The following CD99 variants were observed in gnomAD, a reference collection of about 807,000 sequenced individuals.
CD99 encodes CD99 molecule (Xg blood group).
A neutral mutation model predicts 28.4 loss-of-function variants in CD99; 19 were observed. The observed-to-expected ratio is 0.67, with a 90% CI of 0.47 to 0.98. The LOEUF (loss-of-function observed/expected upper bound fraction) is 0.98. CD99 is among the 50% of genes least tolerant of loss of function. The probability of loss-of-function intolerance (pLI) is 0.00; values close to 1 mark genes in which losing one functional copy is unlikely to be tolerated. For missense variants in CD99, 283 were observed against 248.8 expected (o/e 1.14, Z -0.92); for synonymous variants, 103 against 92.1 (o/e 1.12, Z -0.67).
intron 3 of CD99, 197 bp downstream of exon 3, chrX:2,717,849 A>G: frequency 1.7e-6 from 1 of 574,356 alleles, no homozygotes; most frequent in Non-Finnish European, 3.2e-6. Flanking sequence ...ATGGTTGCTG[A>G]TGTGAAATGT....
At chrX:2,704,624 T>G (rs311049) in intron 1 of CD99, among the ~76,000 whole-genome samples, 88,487 of 151,338 alleles carry the variant, frequency 0.58, 26,020 homozygotes, top group African/African-American at 0.65. Context: ...GGGTTTTGCC[T>G]TGTTGGCCAG....
chrX:2,721,118 C>T (rs920375040), intron 5 of CD99, among the ~76,000 whole-genome samples: 11 of 150,526 alleles, frequency 7.3e-5, no homozygotes, highest in Non-Finnish European at 1.6e-4. Flanking sequence ...GCATTTTCAG[C>T]GTAATTCGAA....
intron 8 of CD99, among the ~76,000 whole-genome samples, chrX:2,730,981 T>C (rs1395946101): frequency 6.6e-6 from 1 of 150,818 alleles, no homozygotes; most frequent in Non-Finnish European, 1.5e-5. Flanking sequence ...CACTCTTCTA[T>C]AAATACCAAG....
rs754955628 is a variant in CD99 at position 2,738,210 on chromosome X, G to T, written c.486G>T (p.Gly162=). 6.2e-7 allele frequency: 1 copy of T among 1,613,860 alleles called. No homozygotes were observed. The highest frequency in any genetic ancestry group is 8.5e-7 in the Non-Finnish European group (1 of 1,179,808). ...KLCFKENAEQ[G]EVDMESHRNA... Reference sequence around the variant, plus strand: ...TCTTCTTCTTTTCAGCAGAACAAGGGGAGGTGGACATGGAGAGCCACCGGA... The same window carrying T: ...TCTTCTTCTTTTCAGCAGAACAAGGTGAGGTGGACATGGAGAGCCACCGGA... The change falls in exon 9 of 10, where the codon GGG becomes GGT. Residue 162 remains glycine, a synonymous_variant. Transcript: ENST00000381192.
intron 8 of CD99, among the ~76,000 whole-genome samples, chrX:2,735,765 C>T (rs1400791388): frequency 6.6e-6 from 1 of 152,126 alleles, no homozygotes; most frequent in Non-Finnish European, 1.5e-5. Context: ...ATGTTCTTCT[C>T]TTCAGGGGGT....
chrX:2,736,654 A>C (rs1159725056), intron 8 of CD99, among the ~76,000 whole-genome samples: 1 of 151,806 alleles, frequency 6.6e-6, no homozygotes, highest in East Asian at 1.9e-4. Context: ...TCAGGAGATC[A>C]AGACCATCCT....
chrX:2,720,365 G>C lies in CD99; in HGVS notation c.203G>C (p.Arg68Pro), dbSNP rs768811289. The change falls in exon 5 of 10, where the codon CGA becomes CCA. Residue 68 changes from arginine (R) to proline (P), a missense_variant. Arg to Pro is a moderately radical substitution (Grantham distance 103, BLOSUM62 -2). Transcript: ENST00000381192. ...AVVDGENDDPRPPNPPKPMPN... is the reference protein window; with the variant it reads ...AVVDGENDDPPPPNPPKPMPN... ...CATCTTTCACAAACAGACGACCCAC[G>C]ACCACCGAACCCACCCAAACCGATG... The C allele has an allele frequency of 6.2e-7, 1 of 1,613,460 alleles. No individual in the cohort carries two copies. The highest frequency in any genetic ancestry group is 1.1e-5 in the South Asian group (1 of 91,008).
intron 1 of CD99, 26 bp from the exon 2 acceptor site, chrX:2,714,396 A>C (rs1473522570): frequency 6.5e-7 from 1 of 1,538,834 alleles, no homozygotes; most frequent in South Asian, 1.2e-5. Flanking sequence ...TCTTGTTTCT[A>C]AGTTGACTCT....
chrX:2,732,509 C>G (rs2049677100), intron 8 of CD99, among the ~76,000 whole-genome samples: 1 of 150,768 alleles, frequency 6.6e-6, no homozygotes, highest in Non-Finnish European at 1.5e-5. Context: ...CTCCCTCCTT[C>G]TTTTCTCTCT....
intron 9 of CD99, among the ~76,000 whole-genome samples, chrX:2,740,527 G>A (rs1239891089): frequency 2.6e-5 from 4 of 152,012 alleles, no homozygotes; most frequent in South Asian, 2.1e-4. Context: ...CTGTGACGTC[G>A]TTAGTGGAAA....
chrX:2,693,943 G>A (rs2047449780), intron 1 of CD99, among the ~76,000 whole-genome samples: 1 of 152,176 alleles, frequency 6.6e-6, no homozygotes, highest in Non-Finnish European at 1.5e-5. Flanking sequence ...AATCTTTCAA[G>A]GGCCAGGACG....
chrX:2,722,716 C>A (rs750207884), intron 6 of CD99, 42 bp downstream of exon 6: 2 of 1,572,368 alleles, frequency 1.3e-6, no homozygotes, highest in South Asian at 1.1e-5. Context: ...CTCTCCATCC[C>A]ATGATGCCCA....
At chrX:2,714,476 T>A (rs1465614497) in intron 2 of CD99, 22 bp downstream of exon 2, 3 of 1,579,812 alleles carry the variant, frequency 1.9e-6, no homozygotes, top group African/African-American at 1.3e-5. Flanking sequence ...CATCATTTTT[T>A]AAAATCCCGT....
In CD99 at chrX:2,691,398, G is replaced by C. The variant is rs1031641046; in HGVS notation, c.38G>C (p.Gly13Ala). 1 of 1,584,702 alleles carries C rather than the reference G, an allele frequency of 6.3e-7. No homozygotes were observed. ...RGAALALLLF[G>A]LLGVLVAAPD... ...GCTGCGCTGGCGCTGCTGCTCTTCGGCCTGCTGGGTGTTCTGGTCGCCGCC... is the reference window on the plus strand; with the variant it reads ...GCTGCGCTGGCGCTGCTGCTCTTCGCCCTGCTGGGTGTTCTGGTCGCCGCC... The change falls in exon 1 of 10, where the codon GGC (glycine) becomes GCC (alanine). Residue 13 changes from glycine (G) to alanine (A), a missense_variant. Gly to Ala is a moderately conservative substitution (Grantham distance 60). Transcript: ENST00000381192.
At chrX:2,720,490 T>C (rs964670973) in intron 5 of CD99, 66 bp downstream of exon 5, 47 of 1,470,852 alleles carry the variant, frequency 3.2e-5, no homozygotes, top group Non-Finnish European at 4.5e-5. Context: ...TTATGTCAGC[T>C]GAGAGGAGGT....
intron 5 of CD99, among the ~76,000 whole-genome samples, chrX:2,722,272 G>T (rs1263331484): frequency 6.6e-6 from 1 of 151,770 alleles, no homozygotes; most frequent in African/African-American, 2.4e-5. Context: ...CATAAATATT[G>T]CCAGCATGCA....
At position 2,691,578 on chromosome X, in the gene CD99, G is replaced by A; in HGVS notation, c.67+151G>A. The A allele has an allele frequency of 4.7e-6, 4 of 858,190 alleles. No individual in the cohort carries two copies. In the East Asian group the frequency reaches 1.1e-4, roughly 23 times the overall value. The allele number at this position is 858,190 out of a possible 1,614,324, so 53.2% of individuals were successfully genotyped here. ...GACGCGCTGTGCCCACGGGGGCCCA[G>A]GCCCGGAGGAGGCGCCCACTTTCTC... On this transcript the variant is annotated intron_variant, in intron 1 of 9. Transcript: ENST00000381192.
chrX:2,699,924 A>G (rs946400209), intron 1 of CD99, among the ~76,000 whole-genome samples: 1 of 152,186 alleles, frequency 6.6e-6, no homozygotes, highest in Non-Finnish European at 1.5e-5. Context: ...TTCAAAGAGC[A>G]TTCAGTTTGT....
chrX:2,725,702 C>G (rs1439649538), intron 7 of CD99, among the ~76,000 whole-genome samples: 1 of 152,164 alleles, frequency 6.6e-6, no homozygotes, highest in East Asian at 1.9e-4. Context: ...CAACCTCTGC[C>G]TCCCAGGTTC....
Sources: gnomAD v4.1 joint callset for allele counts (sites outside exome capture counted in the v4.1 genomes callset) on GRCh38, gnomAD v4.1.1 for gene constraint, MANE v1.5 for transcripts, NCBI Gene and HGNC (gene_info 2026-07-23, HGNC 2026-07-21) for gene names.